RANBP3: variants seen among roughly 807,000 people sequenced by gnomAD.
The protein encoded by RANBP3 is ran-binding protein 3.
A neutral mutation model predicts 77.3 loss-of-function variants in RANBP3; 14 were observed. The ratio of observed to expected loss-of-function variants is 0.18; its 90% confidence interval spans 0.12 to 0.28. The LOEUF is 0.28. Among genes scored for constraint, RANBP3 ranks in the 10% least tolerant of loss-of-function variants. The pLI is 1.00. For missense variants in RANBP3, 586 were observed against 752.3 expected, an observed-to-expected ratio of 0.78 and a Z score of 2.59; for synonymous variants, 315 against 312.4, an observed-to-expected ratio of 1.01 and a Z score of -0.09.
chr19:5,926,739 T>TC (rs2057915435), intron 9 of RANBP3, among the ~76,000 whole-genome samples: 1 of 151,982 alleles, frequency 6.6e-6, no homozygotes. Flanking sequence ...GCCAAGCCCT[T>TC]CCCCGCCTCT....
rs544001710 is a variant in RANBP3 at position 5,929,626 on chromosome 19, C to T, written c.694-1539G>A. ...AGCCTCTTCCCCACTTTCCCAAAGA[C>T]GGTACCAGGAGTTCCCCCATGGGTC... On this transcript the variant is annotated intron_variant, in intron 8 of 16. Coordinates refer to ENST00000340578, the MANE Select transcript of RANBP3 (RefSeq NM_007322.3). 2.0e-5 allele frequency among the ~76,000 whole-genome samples: 3 copies of T among 152,360 alleles called. No homozygotes were observed. The East Asian group carries it at 5.8e-4, about 29-fold the overall frequency.
At chr19:5,957,772 C>T (rs1309498523) in intron 2 of RANBP3, 146 bp downstream of exon 2, 2 of 818,048 alleles carry the variant, frequency 2.4e-6, no homozygotes, top group African/African-American at 1.7e-5. Context: ...CCTCCAAGCT[C>T]AACGTGAAAG....
chr19:5,950,140 C>G (rs561828861), intron 3 of RANBP3, among the ~76,000 whole-genome samples: 3 of 152,316 alleles, frequency 2.0e-5, no homozygotes, highest in African/African-American at 7.2e-5. Flanking sequence ...GGCAGCCACT[C>G]TGCCAACAAA....
At position 5,918,088 on chromosome 19, in the gene RANBP3, A is replaced by C; in HGVS notation, c.1474-108T>G. On this transcript the variant is annotated intron_variant, in intron 15 of 16. Coordinates refer to ENST00000340578, the MANE Select transcript of RANBP3 (RefSeq NM_007322.3). ...AAGGTTCAGAGGTGACACTGCCACA[A>C]GGCCTTGTGGGGAGGCCATTGGCCC... The C allele has an allele frequency of 2.3e-6, 3 of 1,278,774 alleles. No homozygotes were observed. In the South Asian group the frequency reaches 4.5e-5, roughly 19 times the overall value. The allele number at this position is 1,278,774 out of a possible 1,614,324, so 79.2% of individuals were successfully genotyped here.
chr19:5,924,958 G>A lies in RANBP3; in HGVS notation c.918-53C>T. ...GGGCGTCACGTGGGAACGTGGCCAG[G>A]CAAATGTATGGGTACCCATGGAGCA... On this transcript the variant is annotated intron_variant, in intron 10 of 16. Transcript: ENST00000340578. The surrounding 1 kb of genome is among the most constrained non-coding windows in gnomAD (Gnocchi z 4.7). 1 of 1,490,088 alleles carries A rather than the reference G, an allele frequency of 6.7e-7. No homozygotes were observed. Among genetic ancestry groups the A allele is most frequent in the Non-Finnish European group, 9.4e-7 (1 of 1,067,364 alleles). 92.3% of individuals were successfully genotyped at this position (1,490,088 alleles called of 1,614,324 possible).
rs1401860507 is a variant in RANBP3 at position 5,952,575 on chromosome 19, T to C, written c.79-979A>G. ...GGCATCGTCCAACGACATGGAGCCA[T>C]TTCTCGCACTCGGTGACCTACATGA... On this transcript the variant is annotated intron_variant, in intron 2 of 16. Transcript: ENST00000340578. The surrounding 1 kb of genome is among the most constrained non-coding windows in gnomAD (Gnocchi z 4.1). 6.6e-6 allele frequency among the ~76,000 whole-genome samples: 1 copy of C among 152,192 alleles called. No individual in the cohort carries two copies. The highest frequency in any genetic ancestry group is 2.4e-5 in the African/African-American group (1 of 41,442).
chr19:5,963,980 G>A (rs1311177216), intron 1 of RANBP3, among the ~76,000 whole-genome samples: 1 of 152,198 alleles, frequency 6.6e-6, no homozygotes, highest in East Asian at 1.9e-4. Context: ...AGAGTCCCCT[G>A]CTGCCCCCTG....
Position 5,916,764 on chromosome 19 carries a change from G to A in RANBP3, c.*846C>T, listed in dbSNP as rs2057743866. 6.6e-6 allele frequency: 1 copy of A among 152,262 alleles called. No homozygotes were observed. Among genetic ancestry groups the A allele is most frequent in the African/African-American group, 2.4e-5 (1 of 41,436 alleles). The allele number at this position is 152,262 out of a possible 1,614,324, so 9.4% of individuals were successfully genotyped here. On this transcript the variant is annotated 3_prime_UTR_variant, in exon 17 of 17. Coordinates refer to ENST00000340578, the MANE Select transcript of RANBP3 (RefSeq NM_007322.3). ...TGACAGATGGAGACGGGAGTCAGGG[G>A]ACCCTGGGGACCCTTCCAGGTCCAG... is the stretch of plus-strand genomic sequence containing the variant.
At chr19:5,942,029 A>C (rs2058144475) in intron 3 of RANBP3, among the ~76,000 whole-genome samples, 194 bp from the exon 4 acceptor site, 1 of 152,178 alleles carries the variant, frequency 6.6e-6, no homozygotes, top group Admixed American at 6.5e-5. Flanking sequence ...CCAGCTTCAC[A>C]AACACATGCC....
At chr19:5,951,878 G>A (rs550587539) in intron 2 of RANBP3, among the ~76,000 whole-genome samples, 1 of 152,334 alleles carries the variant, frequency 6.6e-6, no homozygotes, top group Admixed American at 6.5e-5. Context: ...ACTATGGGCT[G>A]CCTGGCAAGG....
chr19:5,923,130 C>A (rs2057848112), intron 13 of RANBP3, 64 bp downstream of exon 13: 1 of 1,325,076 alleles, frequency 7.5e-7, no homozygotes, highest in Non-Finnish European at 1.1e-6. Context: ...GGGCCCAGCC[C>A]TTGCGGTTGG....
rs947585817 is a variant in RANBP3, at chr19:5,921,771, G to A, written c.1210-450C>T. Among the ~76,000 whole-genome samples, 3 of 152,198 alleles carry A rather than the reference G, an allele frequency of 2.0e-5. No homozygotes were observed. The highest frequency in any genetic ancestry group is 4.4e-5 in the Non-Finnish European group (3 of 68,050). On this transcript the variant is annotated intron_variant, in intron 13 of 16. Transcript: ENST00000340578. This position sits in a 1 kb window ranked among gnomAD's most constrained non-coding sequence, Gnocchi z 5.3. ...ATTTGTTCGTGTTCACACACAGATC[G>A]CACATGAACGTGCACAGCACCATCA...
chr19:5,971,268 T>G (rs1472902311), intron 1 of RANBP3, among the ~76,000 whole-genome samples: 4 of 152,126 alleles, frequency 2.6e-5, no homozygotes, highest in Admixed American at 2.6e-4. Context: ...CTGAGAAGAG[T>G]GGCATTATTT....
Position 5,959,836 on chromosome 19 carries a change from C to T in RANBP3, c.23-1863G>A, listed in dbSNP as rs2058378508. On this transcript the variant is annotated intron_variant, in intron 1 of 16. Transcript: ENST00000340578. The surrounding 1 kb of genome is among the most constrained non-coding windows in gnomAD (Gnocchi z 5.1). ...TGCCTCCCTGCCAGCTGCCAGGTGA[C>T]AAGATGCACAGGAAGGAGCCAGGGT... Among the ~76,000 whole-genome samples the T allele has an allele frequency of 6.6e-6, 1 of 152,122 alleles. No individual in the cohort carries two copies. Among genetic ancestry groups the T allele is most frequent in the Admixed American group, 6.5e-5 (1 of 15,286 alleles).
chr19:5,941,516 G>A (rs530046163), intron 5 of RANBP3, 105 bp downstream of exon 5: 50 of 1,032,682 alleles, frequency 4.8e-5, no homozygotes, highest in South Asian at 2.2e-4. Flanking sequence ...GACTCTAACC[G>A]GAGCTGGGCA....
rs553659582 is a variant in RANBP3, at chr19:5,924,273, G to C, written c.997-359C>G. Among the ~76,000 whole-genome samples, 1 of 152,242 alleles carries C rather than the reference G, an allele frequency of 6.6e-6. No homozygotes were observed. Among genetic ancestry groups the C allele is most frequent in the Non-Finnish European group, 1.5e-5 (1 of 68,042 alleles). On this transcript the variant is annotated intron_variant, in intron 11 of 16. Transcript: ENST00000340578. This position sits in a 1 kb window ranked among gnomAD's most constrained non-coding sequence, Gnocchi z 4.7. ...GAGCTAGAGTGACCAGGCGGCTCAG[G>C]ACAGGCCCTCACGCAGTCGCAATGG...
At chr19:5,942,018 C>A (rs1301784667) in intron 3 of RANBP3, among the ~76,000 whole-genome samples, 183 bp from the exon 4 acceptor site, 2 of 152,202 alleles carry the variant, frequency 1.3e-5, no homozygotes, top group Non-Finnish European at 2.9e-5. Context: ...AACCTCTGCA[C>A]CCAGCTTCAC....
chr19:5,934,961 G>A (rs1324602837), intron 5 of RANBP3, among the ~76,000 whole-genome samples: 1 of 152,206 alleles, frequency 6.6e-6, no homozygotes, highest in Non-Finnish European at 1.5e-5. Flanking sequence ...GCGGTTACCA[G>A]GGCTCAAGGG....
chr19:5,949,206 T>A (rs977600616), intron 3 of RANBP3, among the ~76,000 whole-genome samples: 11 of 152,204 alleles, frequency 7.2e-5, no homozygotes, highest in Middle Eastern at 3.4e-3. Context: ...TGATACAGAG[T>A]GAGACCCAAA....
Sources: allele counts gnomAD v4.1 joint callset (sites outside exome capture counted in the v4.1 genomes callset), GRCh38; gene constraint gnomAD v4.1.1; non-coding constraint Gnocchi (gnomAD v3.1); transcripts MANE v1.5; gene names NCBI Gene and HGNC (gene_info 2026-07-23, HGNC 2026-07-21).